The following UBR4 variants were observed in gnomAD, a reference collection of about 807,000 sequenced individuals.
UBR4 encodes ubiquitin protein ligase E3 component n-recognin 4.
A neutral mutation model predicts 575.6 loss-of-function variants in UBR4; 124 were observed. The observed-to-expected ratio is 0.22, with a 90% CI of 0.19 to 0.25. UBR4 has a LOEUF of 0.25. Among genes scored for constraint, UBR4 ranks in the 10% least tolerant of loss-of-function variants. The pLI is 1.00. For missense variants in UBR4, 4,818 were observed against 6,478.8 expected, an observed-to-expected ratio of 0.74 and a Z score of 8.80; for synonymous variants, 2,455 against 2,473.7, an observed-to-expected ratio of 0.99 and a Z score of 0.22.
intron 29 of UBR4, among the ~76,000 whole-genome samples, 200 bp downstream of exon 29, chr1:19,166,822 C>A (rs1346525709): frequency 6.8e-6 from 1 of 147,246 alleles, no homozygotes; most frequent in Non-Finnish European, 1.5e-5. Context: ...AGGAGGATTG[C>A]TTGAGCCCCG....
Position 19,185,101 on chromosome 1 carries a change from A to C in UBR4, c.1936T>G (p.Leu646Val), listed in dbSNP as rs2091391188. The C allele has an allele frequency of 3.1e-6, 5 of 1,613,922 alleles. No homozygotes were observed. The highest frequency in any genetic ancestry group is 4.2e-6 in the Non-Finnish European group (5 of 1,179,976). ...AAACCTTAGAAACCTACTCTTACCA[A>C]CTCAGGATCTTTGCGACTCGCCAGA... Reference protein sequence around the residue: ...NILASRKDPELFLGLASNILN... With the variant: ...NILASRKDPEVFLGLASNILN... Residue 646 changes from leucine (L) to valine (V), a missense_variant and splice_region_variant, in exon 15 of 106, where the codon TTG becomes GTG. Coordinates refer to ENST00000375254, the MANE Select transcript of UBR4 (RefSeq NM_020765.3).
At chr1:19,075,820 G>T (rs973843713) in intron 105 of UBR4, among the ~76,000 whole-genome samples, 2 of 152,236 alleles carry the variant, frequency 1.3e-5, no homozygotes, top group African/African-American at 4.8e-5. Flanking sequence ...GTTAGCAGAG[G>T]CGTTCTCCTA....
Position 19,210,253 on chromosome 1 carries a change from C to T in UBR4, c.-5G>A. On this transcript the variant is annotated 5_prime_UTR_variant, in exon 1 of 106. Transcript: ENST00000375254. ...TTCGCCGCCGCTCGTCGCCATCTTC[C>T]GTCGTACTACTGCGGCTCCCTCCGG... 12 of 1,448,238 alleles carry T rather than the reference C, an allele frequency of 8.3e-6. No individual in the cohort carries two copies. Among genetic ancestry groups the T allele is most frequent in the Non-Finnish European group, 1.1e-5 (12 of 1,106,344 alleles). The allele number at this position is 1,448,238 out of a possible 1,614,324, so 89.7% of individuals were successfully genotyped here.
chr1:19,114,738 C>T, intron 75 of UBR4, 73 bp downstream of exon 75: 1 of 1,572,300 alleles, frequency 6.4e-7, no homozygotes, highest in Non-Finnish European at 8.6e-7. Flanking sequence ...GTAAAGTGCA[C>T]TGCACTGCAC....
rs891136788 is a variant in UBR4 at position 19,087,834 on chromosome 1, C to T, written c.14526G>A (p.Arg4842=). The change falls in exon 99 of 106, where the codon AGG becomes AGA. Residue 4842 remains arginine (R), a synonymous_variant. Coordinates refer to ENST00000375254, the MANE Select transcript of UBR4 (RefSeq NM_020765.3). ...GCTGTACCTGGAACTTGTATCCCTC[C>T]CTGCAGATGCAGCACGTGAGGCCAG... ...EEPGLTCCIC[R]EGYKFQPTKV... is the part of the protein sequence containing the mutation. The T allele has an allele frequency of 6.2e-7, 1 of 1,610,600 alleles. No homozygotes were observed. Among genetic ancestry groups the T allele is most frequent in the African/African-American group, 1.3e-5 (1 of 74,866 alleles).
chr1:19,118,013 T>G (rs1211708492), intron 71 of UBR4, 103 bp from the exon 72 acceptor site: 10 of 1,137,422 alleles, frequency 8.8e-6, no homozygotes, highest in Admixed American at 5.7e-5. Flanking sequence ...TGAGCCAAAG[T>G]GAGCCCAAAG....
intron 5 of UBR4, 29 bp downstream of exon 5, chr1:19,198,509 AGAG>A (rs748332582): frequency 1.3e-6 from 2 of 1,598,180 alleles, no homozygotes; most frequent in African/African-American, 2.7e-5. Context: ...CAAAACCCAC[AGAG>A]AAGAAGACAT....
Position 19,093,486 on chromosome 1 carries a change from T to C in UBR4, c.13938A>G (p.Lys4646=). The change falls in exon 96 of 106, where the codon AAA becomes AAG. Residue 4646 remains lysine, a splice_region_variant and synonymous_variant. Coordinates refer to ENST00000375254, the MANE Select transcript of UBR4 (RefSeq NM_020765.3). The surrounding 1 kb of genome is among the most constrained non-coding windows in gnomAD (Gnocchi z 4.8). ...ERFKPYCNFD[K]YDEDHSGDDK... ...CATCACCACTGTGATCTTCATCATA[T>C]CTAGGAGGAAAGAGCAGAGTTTGAG... 6.2e-7 allele frequency: 1 copy of C among 1,613,972 alleles called. No homozygotes were observed. Among genetic ancestry groups the C allele is most frequent in the Non-Finnish European group, 8.5e-7 (1 of 1,179,942 alleles).
Position 19,094,011 on chromosome 1 carries a change from A to G in UBR4, c.13875T>C (p.Phe4625=). 1 of 1,614,082 alleles carries G rather than the reference A, an allele frequency of 6.2e-7. No individual in the cohort carries two copies. The highest frequency in any genetic ancestry group is 8.5e-7 in the Non-Finnish European group (1 of 1,180,000). ...GLLRIIPYLS[F]GEVEKMQILV... ...AGATCTGCATTTTCTCCACCTCTCCAAAGGAAAGGTACGGGATGATGCGAA... is the reference window on the plus strand; with the variant it reads ...AGATCTGCATTTTCTCCACCTCTCCGAAGGAAAGGTACGGGATGATGCGAA... The change falls in exon 95 of 106, where the codon TTT becomes TTC. Residue 4625 remains phenylalanine, a synonymous_variant. Coordinates refer to ENST00000375254, the MANE Select transcript of UBR4 (RefSeq NM_020765.3).
At chr1:19,097,335 A>G (rs1277878977) in intron 90 of UBR4, 55 bp from the exon 91 acceptor site, 9 of 1,521,058 alleles carry the variant, frequency 5.9e-6, no homozygotes, top group Admixed American at 1.9e-5. Flanking sequence ...ACAAATGCAA[A>G]GGACTCCATA....
chr1:19,132,605 T>TA, intron 60 of UBR4, among the ~76,000 whole-genome samples: 270 of 24,100 alleles, frequency 0.011, 9 homozygotes, highest in South Asian at 0.058. Context: ...TAAAAAATGG[T>TA]AAAAAAAAAA....
At chr1:19,199,780 A>G (rs755521378) in intron 2 of UBR4, 26 bp from the exon 3 acceptor site, 3 of 1,586,322 alleles carry the variant, frequency 1.9e-6, no homozygotes, top group African/African-American at 1.3e-5. Flanking sequence ...ACATTACTCA[A>G]TTTCAGACTG....
chr1:19,200,928 G>A (rs749100272), intron 2 of UBR4, among the ~76,000 whole-genome samples: 4 of 152,206 alleles, frequency 2.6e-5, no homozygotes, highest in South Asian at 2.1e-4. Flanking sequence ...AGGACTGCTT[G>A]AGCCCAGGAC....
At chr1:19,123,405 C>A (rs139601862) in intron 65 of UBR4, among the ~76,000 whole-genome samples, 1 of 147,416 alleles carries the variant, frequency 6.8e-6, no homozygotes, top group Admixed American at 6.8e-5. Context: ...GAGCAGAGAT[C>A]GTGTCACTGC....
In UBR4 at chr1:19,162,669, G is replaced by A. The variant is rs567711413; in HGVS notation, c.4765-58C>T. On this transcript the variant is annotated intron_variant, in intron 34 of 105. Transcript: ENST00000375254. Reference sequence around the variant, plus strand: ...CTCCATGTTTCATTATGTAAACCATGTTTTCTCAAGCTTTTTCAAATAAAG... The same window carrying A: ...CTCCATGTTTCATTATGTAAACCATATTTTCTCAAGCTTTTTCAAATAAAG... 6 of 1,520,068 alleles carry A rather than the reference G, an allele frequency of 3.9e-6. No individual in the cohort carries two copies. The African/African-American group carries it at 5.5e-5, about 14-fold the overall frequency. 94.2% of individuals were successfully genotyped at this position (1,520,068 alleles called of 1,614,324 possible).
chr1:19,098,860 T>G (rs1324117315), intron 90 of UBR4, among the ~76,000 whole-genome samples: 1 of 152,172 alleles, frequency 6.6e-6, no homozygotes, highest in African/African-American at 2.4e-5. Context: ...TTGCTGTAAT[T>G]AAGTTACTTA....
At position 19,145,853 on chromosome 1, in the gene UBR4, A is replaced by G. The variant is rs1216896149; in HGVS notation, c.7885T>C (p.Phe2629Leu). 4 of 1,614,122 alleles carry G rather than the reference A, an allele frequency of 2.5e-6. No homozygotes were observed. The African/African-American group carries it at 4.0e-5, about 16-fold the overall frequency. ...CSFITQLVNH[F>L]WKLHASKPKN... ...GGTTTGGATGCATGGAGTTTCCAGA[A>G]GTGGTTCACAAGCTGGGTGATGAAA... Residue 2629 changes from phenylalanine to leucine, a missense_variant, in exon 53 of 106, where the codon TTC (phenylalanine) becomes CTC (leucine). This residue lies in a region of UBR4 where 340 missense variants were observed against 375.4 expected (regional missense o/e 0.91). Coordinates refer to ENST00000375254, the MANE Select transcript of UBR4 (RefSeq NM_020765.3).
chr1:19,121,551 A>C, intron 67 of UBR4, 117 bp from the exon 68 acceptor site: 2 of 1,305,216 alleles, frequency 1.5e-6, no homozygotes, highest in Non-Finnish European at 2.1e-6. Context: ...TTTCTTTGCC[A>C]TGTTCTCTCT....
rs746596978 is a variant in UBR4, at chr1:19,140,908, A to T, written c.8489-16T>A. On this transcript the variant is annotated splice_polypyrimidine_tract_variant and intron_variant, in intron 57 of 105. Coordinates refer to ENST00000375254, the MANE Select transcript of UBR4 (RefSeq NM_020765.3). ...CTGCTGCTGCCTGGGAAACAAGTGGAGAGTGAGCACAACATCCCCTCCAGG... is the reference window on the plus strand; with the variant it reads ...CTGCTGCTGCCTGGGAAACAAGTGGTGAGTGAGCACAACATCCCCTCCAGG... The T allele has an allele frequency of 8.1e-6, 13 of 1,595,898 alleles. No homozygotes were observed. Among genetic ancestry groups the T allele is most frequent in the Non-Finnish European group, 1.1e-5 (13 of 1,173,166 alleles).
Sources: gnomAD v4.1 joint callset for allele counts (sites outside exome capture counted in the v4.1 genomes callset) on GRCh38, gnomAD v4.1.1 for gene constraint, gnomAD v4.1.1 regional missense constraint, Gnocchi (gnomAD v3.1) non-coding constraint, MANE v1.5 for transcripts, NCBI Gene and HGNC (gene_info 2026-07-23, HGNC 2026-07-21) for gene names.